MIA2: variants seen among roughly 807,000 people sequenced by gnomAD.
MIA2 encodes the protein melanoma inhibitory activity protein 2.
A neutral mutation model predicts 167.8 loss-of-function variants in MIA2; 127 were observed. The ratio of observed to expected loss-of-function variants is 0.76; its 90% CI spans 0.66 to 0.88. MIA2 has a LOEUF of 0.88. Ranked by LOEUF, MIA2 falls within the 40% of genes least tolerant of loss-of-function variation. The pLI, the probability that MIA2 is intolerant of heterozygous loss-of-function variation, is 0.00. For missense variants in MIA2, 1,690 were observed against 1,624.7 expected (o/e 1.04, Z -0.69); for synonymous variants, 552 against 541.9 (o/e 1.02, Z -0.26).
chr14:39,252,758 T>C lies in MIA2; in HGVS notation c.1578T>C (p.Ser526=). ...KSSYSLSDMV[S]NIELPTRIHE... ...TTTATTTATTTGTAGATATGGTCTC[T>C]AACATAGAGTTACCTACGAGAATTC... The change falls in exon 5 of 29, where the codon TCT becomes TCC. Residue 526 remains serine (S), a synonymous_variant. Transcript: ENST00000640607. The C allele has an allele frequency of 6.2e-7, 1 of 1,609,214 alleles. No individual in the cohort carries two copies. Among genetic ancestry groups the C allele is most frequent in the Non-Finnish European group, 8.5e-7 (1 of 1,176,700 alleles).
rs552939455 is a variant in MIA2, at chr14:39,235,223, A to G, written c.115+994A>G. ...GTTAATTTTTTGTATTTTAGTAGAGATGGGATTTCACTGTGTTGCCCAGCC... is the reference window on the plus strand; with the variant it reads ...GTTAATTTTTTGTATTTTAGTAGAGGTGGGATTTCACTGTGTTGCCCAGCC... On this transcript the variant is annotated intron_variant, in intron 1 of 28. Transcript: ENST00000640607. Among the ~76,000 whole-genome samples the G allele has an allele frequency of 1.4e-4, 22 of 152,110 alleles. No individual in the cohort carries two copies. The East Asian group carries it at 4.3e-3, about 29-fold the overall frequency.
At chr14:39,253,030 TATA>T in intron 5 of MIA2, 38 bp from the exon 6 acceptor site, 1 of 1,561,758 alleles carries the variant, frequency 6.4e-7, no homozygotes, top group Non-Finnish European at 8.7e-7. Context: ...TCAGAAGTTA[TATA>T]ATATCATGCT....
At chr14:39,272,204 T>G (rs1229614360) in intron 6 of MIA2, among the ~76,000 whole-genome samples, 1 of 151,866 alleles carries the variant, frequency 6.6e-6, no homozygotes, top group African/African-American at 2.4e-5. Context: ...TACAAAAAAT[T>G]AGCTGAGCAT....
chr14:39,380,446 G>A (rs1251997071), intron 23 of MIA2, among the ~76,000 whole-genome samples: 1 of 152,134 alleles, frequency 6.6e-6, no homozygotes, highest in East Asian at 1.9e-4. Flanking sequence ...TGTAATCCCA[G>A]CACTTTGGGA....
intron 3 of MIA2, among the ~76,000 whole-genome samples, chr14:39,244,180 A>C (rs2054186794): frequency 1.3e-5 from 2 of 152,274 alleles, no homozygotes; most frequent in African/African-American, 4.8e-5. Context: ...AAGAGGAGGA[A>C]AAATTAGAGT....
chr14:39,386,718 G>T (rs73283432), intron 23 of MIA2: 2 of 1,328,430 alleles, frequency 1.5e-6, no homozygotes, highest in South Asian at 2.4e-5. Flanking sequence ...ATGCTTCTTT[G>T]AATATTTGTA....
At position 39,360,289 on chromosome 14, in the gene MIA2, C is replaced by T. The variant is rs370761013; in HGVS notation, c.2248+11312C>T. ...TGAACTCCAGCCTGGGCAATAGAGC[C>T]TTGTCCAAAAGAAAGCCATTCTAAC... On this transcript the variant is annotated intron_variant, in intron 23 of 23. Transcript: ENST00000341502. Among the ~76,000 whole-genome samples, 17 of 152,204 alleles carry T rather than the reference C, an allele frequency of 1.1e-4. No homozygotes were observed. In the East Asian group the frequency reaches 2.9e-3, roughly 26 times the overall value.
chr14:39,351,681 GA>G (rs11355898), downstream of MIA2, among the ~76,000 whole-genome samples: 28,269 of 152,076 alleles, frequency 0.19, 2,667 homozygotes, highest in Middle Eastern at 0.28. Context: ...TATGCAGCAA[GA>G]AGGTTCCATC....
chr14:39,306,766 A>G (rs1160731695), intron 17 of MIA2, among the ~76,000 whole-genome samples: 5 of 152,174 alleles, frequency 3.3e-5, no homozygotes, highest in African/African-American at 1.2e-4. Context: ...TGATTCATAT[A>G]CACGTTACAG....
intron 23 of MIA2, among the ~76,000 whole-genome samples, chr14:39,379,009 C>T (rs1038397895): frequency 6.6e-6 from 1 of 152,140 alleles, no homozygotes; most frequent in African/African-American, 2.4e-5. Context: ...GACTTAATTC[C>T]TCAAACAATA....
intron 23 of MIA2, 92 bp downstream of exon 23, chr14:39,319,383 C>G (rs1304609404): frequency 3.7e-6 from 2 of 546,748 alleles, no homozygotes; most frequent in Non-Finnish European, 5.6e-6. Flanking sequence ...TAAGTTAACA[C>G]TGTTATTTAT....
chr14:39,378,645 ACAT>A (rs1458904721), intron 23 of MIA2, among the ~76,000 whole-genome samples: 6 of 152,226 alleles, frequency 3.9e-5, no homozygotes, highest in African/African-American at 1.4e-4. Flanking sequence ...ATACACTAAA[ACAT>A]CAGAATCACA....
rs75490187 is a variant in MIA2, at chr14:39,266,592, G to C, written c.1888-10342G>C. The C allele has an allele frequency of 4.4e-4, 431 of 985,538 alleles. 3 individuals are homozygous for C. In the East Asian group the frequency reaches 0.019, roughly 42 times the overall value. The allele number at this position is 985,538 out of a possible 1,614,324, so 61.0% of individuals were successfully genotyped here. A position where few individuals can be genotyped will look rare whatever the true frequency, so the allele number is the denominator to read the frequency against. ...CAGGTTAAACTCTGACCAAACCACA[G>C]CTGAGCCGGGACGCCTTCCTGTCTA... On this transcript the variant is annotated intron_variant, in intron 6 of 28. Coordinates refer to ENST00000640607, the MANE Select transcript of MIA2 (RefSeq NM_001329214.4).
intron 23 of MIA2, among the ~76,000 whole-genome samples, chr14:39,380,495 G>A (rs182662761): frequency 2.0e-5 from 3 of 151,820 alleles, no homozygotes; most frequent in African/African-American, 4.8e-5. Flanking sequence ...GAGATAGAGA[G>A]CATCCTGGCC....
At chr14:39,337,748 C>T (rs12434140) in intron 25 of MIA2, among the ~76,000 whole-genome samples, 2 of 151,542 alleles carry the variant, frequency 1.3e-5, no homozygotes, top group South Asian at 4.2e-4. Context: ...GATGGAGTCT[C>T]ACTCTGTCAC....
chr14:39,379,598 TC>T (rs576792390), intron 23 of MIA2, among the ~76,000 whole-genome samples: 219 of 151,958 alleles, frequency 1.4e-3, no homozygotes, highest in African/African-American at 5.1e-3. Context: ...ATGCCTGTAA[TC>T]CCAGCACTTT....
intron 23 of MIA2, among the ~76,000 whole-genome samples, chr14:39,356,533 G>A (rs1352293020): frequency 6.6e-6 from 1 of 152,034 alleles, no homozygotes; most frequent in East Asian, 1.9e-4. Flanking sequence ...TTTTTGAAGG[G>A]TTTTTTGTGT....
chr14:39,280,747 A>G, intron 9 of MIA2, among the ~76,000 whole-genome samples: 1 of 151,716 alleles, frequency 6.6e-6, no homozygotes, highest in East Asian at 1.9e-4. Flanking sequence ...AAACAAACAA[A>G]CAAACAAACA....
At chr14:39,288,449 A>ATTTTT (rs1566746769) in intron 9 of MIA2, among the ~76,000 whole-genome samples, 3 of 4,376 alleles carry the variant, frequency 6.9e-4, no homozygotes, top group Non-Finnish European at 1.4e-3. Flanking sequence ...ATATATATAT[A>ATTTTT]TATATATATA....
Sources: allele counts gnomAD v4.1 joint callset (sites outside exome capture counted in the v4.1 genomes callset), GRCh38; gene constraint gnomAD v4.1.1; transcripts MANE v1.5; gene names NCBI Gene and HGNC (gene_info 2026-07-23, HGNC 2026-07-21).